Variants in ANXA2 observed in about 807,000 individuals in gnomAD.
ANXA2 encodes the protein annexin II.
In ANXA2, 28 loss-of-function variants were observed where a neutral mutation model predicts 47.3. That is an observed-to-expected ratio of 0.59 (90% CI 0.44 to 0.81). The LOEUF (loss-of-function observed/expected upper bound fraction) is 0.81. ANXA2 is among the 40% of genes least tolerant of loss of function. The pLI, the probability that ANXA2 is intolerant of heterozygous loss-of-function variation, is 0.00. For missense variants in ANXA2, 384 were observed against 414.3 expected (o/e 0.93, Z 0.64); for synonymous variants, 172 against 155.5 (o/e 1.11, Z -0.79).
At chr15:60,383,540 G>T (rs2062893070) in intron 2 of ANXA2, 1 of 152,210 alleles carries the variant, frequency 6.6e-6, no homozygotes, top group African/African-American at 2.4e-5. Context: ...TCCTTTCAAG[G>T]TATTAACTTC....
chr15:60,351,619 A>T (rs989483532), intron 10 of ANXA2, 105 bp downstream of exon 10: 9 of 774,452 alleles, frequency 1.2e-5, no homozygotes, highest in African/African-American at 3.4e-5. Flanking sequence ...CAAAGCATGC[A>T]TAGAAGCCAC....
intron 7 of ANXA2, among the ~76,000 whole-genome samples, chr15:60,355,245 G>C (rs2062409154): frequency 6.6e-6 from 1 of 152,198 alleles, no homozygotes; most frequent in African/African-American, 2.4e-5. Flanking sequence ...GAGATCCGTG[G>C]ATGGTGGTAC....
chr15:60,380,411 G>A (rs2062840484), intron 3 of ANXA2, among the ~76,000 whole-genome samples: 1 of 151,736 alleles, frequency 6.6e-6, no homozygotes, highest in Non-Finnish European at 1.5e-5. Context: ...GACTGGAACT[G>A]GCTGTAGTGA....
At chr15:60,388,351 TG>T (rs2062960775) in intron 1 of ANXA2, among the ~76,000 whole-genome samples, 1 of 152,118 alleles carries the variant, frequency 6.6e-6, no homozygotes, top group Non-Finnish European at 1.5e-5. Flanking sequence ...AGACATAGTA[TG>T]AAAAAATTAT....
intron 2 of ANXA2, chr15:60,384,261 C>T (rs2140916538): frequency 6.6e-6 from 1 of 152,322 alleles, no homozygotes; most frequent in South Asian, 2.1e-4. Context: ...GCAGTCCAGG[C>T]ATTGAGCCAT....
intron 7 of ANXA2, chr15:60,355,418 T>C (rs1185314639): frequency 4.5e-6 from 1 of 219,892 alleles, no homozygotes; most frequent in Admixed American, 5.4e-5. Context: ...AGCTACACGC[T>C]GGCCAGAACT....
chr15:60,396,532 C>T (rs2063083402), intron 1 of ANXA2: 1 of 152,118 alleles, frequency 6.6e-6, no homozygotes, highest in South Asian at 2.1e-4. Context: ...AAAAAAAGTT[C>T]CAGAAAAATA....
At chr15:60,393,242 T>C (rs1366186165) in intron 1 of ANXA2, 14 of 1,068,062 alleles carry the variant, frequency 1.3e-5, no homozygotes, top group Non-Finnish European at 1.6e-5. Context: ...TACTGACTTG[T>C]TGCAGCTTCA....
At chr15:60,385,225 T>C (rs1444905098) in intron 2 of ANXA2, among the ~76,000 whole-genome samples, 2 of 152,214 alleles carry the variant, frequency 1.3e-5, no homozygotes, top group African/African-American at 4.8e-5. Flanking sequence ...AAAAGAAATA[T>C]CCTAGCTTTT....
chr15:60,384,768 G>C (rs1374099296), intron 2 of ANXA2: 1 of 152,230 alleles, frequency 6.6e-6, no homozygotes, highest in African/African-American at 2.4e-5. Context: ...TGAACATTTT[G>C]ATGGCAAGTA....
intron 1 of ANXA2, chr15:60,390,586 C>T (rs540764271): frequency 2.4e-5 from 8 of 335,670 alleles, no homozygotes. Context: ...GTGCTGACCC[C>T]ATCTGCAGAT....
At position 60,370,437 on chromosome 15, in the gene ANXA2, C is replaced by A. The variant is rs554842516; in HGVS notation, c.149-5914G>T. Among the ~76,000 whole-genome samples the A allele has an allele frequency of 2.0e-5, 3 of 152,304 alleles. No homozygotes were observed. The East Asian group carries it at 5.8e-4, about 29-fold the overall frequency. ...TTAAGTCATGTCCTATATTGTAATA[C>A]CAAATACATGCATCTGCAAATGGGA... On this transcript the variant is annotated intron_variant, in intron 3 of 12. Transcript: ENST00000451270.
chr15:60,397,913 T>A, intron 1 of ANXA2, 30 bp downstream of exon 1: 1 of 1,337,818 alleles, frequency 7.5e-7, no homozygotes, highest in Non-Finnish European at 9.6e-7. Flanking sequence ...TGGCGGCCCA[T>A]CGCGGGCGGG....
At chr15:60,366,224 G>A (rs1403585372) in intron 3 of ANXA2, among the ~76,000 whole-genome samples, 114 of 150,504 alleles carry the variant, frequency 7.6e-4, no homozygotes, top group Non-Finnish European at 7.4e-5. Context: ...CGCCTGCCTT[G>A]GCCTCCCAAA....
chr15:60,377,262 GAGA>G (rs1297126700), intron 3 of ANXA2, among the ~76,000 whole-genome samples: 1 of 152,136 alleles, frequency 6.6e-6, no homozygotes, highest in African/African-American at 2.4e-5. Flanking sequence ...TAATATCAAG[GAGA>G]AGGAGGAAGG....
chr15:60,371,152 T>TG (rs2092841246), intron 3 of ANXA2, among the ~76,000 whole-genome samples: 2 of 152,240 alleles, frequency 1.3e-5, no homozygotes, highest in Admixed American at 6.5e-5. Context: ...ATTTACTCGT[T>TG]GAACGAAAAT....
intron 11 of ANXA2, 98 bp downstream of exon 11, chr15:60,351,095 C>A: frequency 7.9e-7 from 1 of 1,265,350 alleles, no homozygotes; most frequent in Non-Finnish European, 1.1e-6. Context: ...ACAGTGGGGT[C>A]CCCTTCCTCC....
chr15:60,358,839 A>G (rs2062471435), intron 5 of ANXA2, among the ~76,000 whole-genome samples: 1 of 152,258 alleles, frequency 6.6e-6, no homozygotes, highest in Non-Finnish European at 1.5e-5. Flanking sequence ...ATATCCTGAC[A>G]TTGTAGAATT....
intron 11 of ANXA2, among the ~76,000 whole-genome samples, chr15:60,349,608 T>C (rs554875772): frequency 2.0e-5 from 3 of 152,168 alleles, no homozygotes; most frequent in Admixed American, 6.5e-5. Context: ...GTACACTGCC[T>C]GGGTGATAAG....
Sources: gnomAD v4.1 joint callset for allele counts (sites outside exome capture counted in the v4.1 genomes callset) on GRCh38, gnomAD v4.1.1 for gene constraint, MANE v1.5 for transcripts, NCBI Gene and HGNC (gene_info 2026-07-23, HGNC 2026-07-21) for gene names.